The following SRI variants were observed in gnomAD, a reference collection of about 807,000 sequenced individuals.
SRI encodes the protein 22 kDa protein.
A neutral mutation model predicts 33.3 loss-of-function variants in SRI; 30 were observed. The observed-to-expected ratio is 0.90, with a 90% CI of 0.67 to 1.22. The LOEUF (loss-of-function observed/expected upper bound fraction) is 1.22. Among genes scored for constraint, SRI ranks in the 50% most tolerant of loss-of-function variants. SRI has a pLI of 0.00. For missense variants in SRI, 243 were observed against 250.8 expected (o/e 0.97, Z 0.21); for synonymous variants, 75 against 89.9 (o/e 0.83, Z 0.94).
At chr7:88,219,015 T>TGAGG (rs1851809052) in intron 1 of SRI, 73 bp from the exon 2 acceptor site, 1 of 1,409,264 alleles carries the variant, frequency 7.1e-7, no homozygotes, top group African/African-American at 1.4e-5. Flanking sequence ...AGGGCTTTTG[T>TGAGG]GCAAGGCCAG....
chr7:88,218,936 C>T lies in SRI; in HGVS notation c.58G>A (p.Gly20Arg). ...GGGYYPGGYG[G>R]APGGPAFPGQ... ...GGAAACGCAGGCCCTCCGGGAGCCC[C>T]TCCATACTGTGAAACAGGAAACACA... The change falls in exon 2 of 8, where the codon GGG (glycine) becomes AGG (arginine). Residue 20 changes from glycine to arginine, a missense_variant. By Grantham distance (125) the Gly-to-Arg change is moderately radical (BLOSUM62 -2). Transcript: ENST00000265729. The T allele has an allele frequency of 6.2e-7, 1 of 1,613,868 alleles. No homozygotes were observed. Among genetic ancestry groups the T allele is most frequent in the Non-Finnish European group, 8.5e-7 (1 of 1,179,820 alleles).
chr7:88,210,232 G>T (rs1851541588), intron 4 of SRI, 102 bp from the exon 5 acceptor site: 1 of 1,303,862 alleles, frequency 7.7e-7, no homozygotes, highest in African/African-American at 1.5e-5. Flanking sequence ...GGCTAAAAAA[G>T]TTATTGTAGA....
In SRI at chr7:88,210,938, G is replaced by C. The variant is rs1440558467; in HGVS notation, c.206-13C>G. On this transcript the variant is annotated splice_polypyrimidine_tract_variant and intron_variant, in intron 3 of 7. Transcript: ENST00000265729. ...TCCAGGTTAAAAGCTGTTAAATCAA[G>C]AAAAGTACATACATATTAACACAAA... 6.2e-7 allele frequency: 1 copy of C among 1,611,866 alleles called. No individual in the cohort carries two copies. Among genetic ancestry groups the C allele is most frequent in the Admixed American group, 1.7e-5 (1 of 59,978 alleles).
At chr7:88,222,852 A>G (rs1232124250), upstream of SRI, among the ~76,000 whole-genome samples, 1 of 152,098 alleles carries the variant, frequency 6.6e-6, no homozygotes, top group African/African-American at 2.4e-5. Flanking sequence ...AATCAATTCA[A>G]GATGGATTAA....
At chr7:88,210,471 A>T in intron 4 of SRI, 1 of 402,196 alleles carries the variant, frequency 2.5e-6, no homozygotes, top group South Asian at 2.2e-5. Context: ...TCCTAGCATC[A>T]TCTCTGGTAC....
chr7:88,225,474 G>C (rs576058957), intron 1 of SRI, among the ~76,000 whole-genome samples: 24 of 152,284 alleles, frequency 1.6e-4, no homozygotes, highest in African/African-American at 5.5e-4. Context: ...TGTACTTTGA[G>C]TAGGGGCCTG....
chr7:88,219,189 A>G (rs947059733), intron 1 of SRI: 2 of 505,112 alleles, frequency 4.0e-6, no homozygotes, highest in African/African-American at 3.9e-5. Context: ...ATGTAAAGCA[A>G]CTTTTAAAAT....
intron 4 of SRI, 184 bp from the exon 5 acceptor site, chr7:88,210,314 A>G (rs1180717778): frequency 1.5e-6 from 1 of 676,500 alleles, no homozygotes; most frequent in African/African-American, 1.8e-5. Context: ...CTCAAGTGCC[A>G]ATTTTTACTG....
intron 7 of SRI, 181 bp downstream of exon 7, chr7:88,208,326 C>T (rs550435517): frequency 7.3e-7 from 1 of 1,377,150 alleles, no homozygotes; most frequent in East Asian, 2.6e-5. Context: ...CATGGTCTCA[C>T]TATAGTTAAG....
intron 4 of SRI, chr7:88,210,396 C>T (rs894068108): frequency 1.3e-5 from 6 of 474,518 alleles, no homozygotes. Flanking sequence ...TTATAAAAAG[C>T]GGTCTTGTTA....
At chr7:88,225,071 G>A (rs1851966977) in intron 1 of SRI, among the ~76,000 whole-genome samples, 2 of 152,140 alleles carry the variant, frequency 1.3e-5, no homozygotes, top group South Asian at 4.1e-4. Flanking sequence ...GGCATGATAA[G>A]CAAGATAAAT....
At chr7:88,210,324 G>A (rs1041496513) in intron 4 of SRI, 194 bp from the exon 5 acceptor site, 16 of 641,648 alleles carry the variant, frequency 2.5e-5, no homozygotes, top group Non-Finnish European at 4.0e-5. Context: ...AATTTTTACT[G>A]TGGGGAAAAG....
At chr7:88,209,289 TA>T in intron 6 of SRI, 49 bp downstream of exon 6, 1 of 1,469,198 alleles carries the variant, frequency 6.8e-7, no homozygotes, top group South Asian at 1.2e-5. Flanking sequence ...TGAAATGTAA[TA>T]AAAACTGTGT....
intron 2 of SRI, 139 bp downstream of exon 2, chr7:88,218,716 AAAAT>A (rs1851795716): frequency 1.4e-6 from 1 of 710,046 alleles, no homozygotes; most frequent in Admixed American, 2.6e-5. Flanking sequence ...ATAAAAAACT[AAAAT>A]AAGAAACAAC....
At chr7:88,217,357 C>A (rs551481108) in intron 2 of SRI, among the ~76,000 whole-genome samples, 166 bp from the exon 3 acceptor site, 1 of 152,252 alleles carries the variant, frequency 6.6e-6, no homozygotes, top group African/African-American at 2.4e-5. Flanking sequence ...AGTGGGCATT[C>A]TTTTCCTTAA....
intron 6 of SRI, chr7:88,209,041 T>G (rs139972158): frequency 3.6e-6 from 1 of 276,230 alleles, no homozygotes; most frequent in African/African-American, 2.2e-5. Context: ...TATTTCACAT[T>G]CTGGGGAAAA....
At chr7:88,218,203 A>G (rs2115798436) in intron 2 of SRI, among the ~76,000 whole-genome samples, 1 of 152,192 alleles carries the variant, frequency 6.6e-6, no homozygotes, top group East Asian at 1.9e-4. Context: ...GTCCTCTCTC[A>G]ATGTAAGATA....
intron 2 of SRI, 79 bp downstream of exon 2, chr7:88,218,780 G>C (rs1851799270): frequency 7.2e-7 from 1 of 1,397,696 alleles, no homozygotes; most frequent in Admixed American, 1.7e-5. Flanking sequence ...CAGGAAGTTC[G>C]CTTTTCTGTG....
chr7:88,223,274 CTT>C (rs770396729), upstream of SRI, among the ~76,000 whole-genome samples: 8 of 152,148 alleles, frequency 5.3e-5, no homozygotes, highest in Non-Finnish European at 1.0e-4. Context: ...TCGCATTTTA[CTT>C]ATTTGCTTAA....
Sources: allele counts gnomAD v4.1 joint callset (sites outside exome capture counted in the v4.1 genomes callset), GRCh38; gene constraint gnomAD v4.1.1; transcripts MANE v1.5; gene names NCBI Gene and HGNC (gene_info 2026-07-23, HGNC 2026-07-21).